Variants in ADAMTS12 observed in about 807,000 individuals in gnomAD.
ADAMTS12 encodes the protein A disintegrin and metalloproteinase with thrombospondin motifs 12.
In ADAMTS12, 118 loss-of-function variants were observed where a neutral mutation model predicts 167.8. That is an observed-to-expected ratio of 0.70 (90% CI 0.61 to 0.82). The LOEUF (loss-of-function observed/expected upper bound fraction) is 0.82. Ranked by LOEUF, ADAMTS12 falls within the 40% of genes least tolerant of loss-of-function variation. The pLI, the probability that ADAMTS12 is intolerant of heterozygous loss-of-function variation, is 0.00. For synonymous variants in ADAMTS12, 704 were observed against 716.9 expected (o/e 0.98, Z 0.29); for missense variants, 1,916 against 1,998.8 (o/e 0.96, Z 0.79).
At chr5:33,673,276 G>A (rs10070624) in intron 5 of ADAMTS12, among the ~76,000 whole-genome samples, 145,016 of 152,186 alleles carry the variant, frequency 0.95, 69,487 homozygotes, top group Non-Finnish European at 1. Context: ...ATGATTGTTG[G>A]CTCCCACATC....
intron 5 of ADAMTS12, among the ~76,000 whole-genome samples, chr5:33,669,679 T>C (rs1432311773): frequency 6.6e-6 from 1 of 151,746 alleles, no homozygotes; most frequent in Non-Finnish European, 1.5e-5. Flanking sequence ...AAGTCTTAGA[T>C]TAAGAAATAC....
chr5:33,885,364 G>A (rs1245739623), intron 1 of ADAMTS12, among the ~76,000 whole-genome samples: 4 of 152,124 alleles, frequency 2.6e-5, no homozygotes, highest in Non-Finnish European at 5.9e-5. Flanking sequence ...TTGGGGTGTG[G>A]TTTTTCCTTT....
chr5:33,756,147 C>T (rs899232270), intron 2 of ADAMTS12, among the ~76,000 whole-genome samples: 1 of 152,194 alleles, frequency 6.6e-6, no homozygotes, highest in Non-Finnish European at 1.5e-5. Context: ...GGGAAGGGAA[C>T]AGCAAAGCCC....
chr5:33,731,130 C>G (rs1744179029), intron 3 of ADAMTS12, among the ~76,000 whole-genome samples: 1 of 152,046 alleles, frequency 6.6e-6, no homozygotes, highest in South Asian at 2.1e-4. Flanking sequence ...TTTCTAATCA[C>G]TGCTATTATG....
At chr5:33,837,123 A>T (rs1723833426) in intron 2 of ADAMTS12, among the ~76,000 whole-genome samples, 1 of 152,154 alleles carries the variant, frequency 6.6e-6, no homozygotes, top group African/African-American at 2.4e-5. Context: ...TGTGTGCTTT[A>T]AAAAAGTCCC....
At chr5:33,668,627 C>T (rs367970281) in intron 5 of ADAMTS12, among the ~76,000 whole-genome samples, 14 of 152,120 alleles carry the variant, frequency 9.2e-5, no homozygotes, top group African/African-American at 3.4e-4. Flanking sequence ...GGACTATAAG[C>T]CTGCACCACC....
At chr5:33,875,211 AG>A (rs1240597408) in intron 2 of ADAMTS12, among the ~76,000 whole-genome samples, 2 of 152,240 alleles carry the variant, frequency 1.3e-5, no homozygotes, top group Non-Finnish European at 2.9e-5. Flanking sequence ...GAAAATTCTC[AG>A]GGCAGTGAAA....
In ADAMTS12 at chr5:33,649,631, C is replaced by T. The variant is rs1461868906; in HGVS notation, c.1257G>A (p.Met419Ile). The T allele has an allele frequency of 6.2e-7, 1 of 1,613,926 alleles. No individual in the cohort carries two copies. The highest frequency in any genetic ancestry group is 8.5e-7 in the Non-Finnish European group (1 of 1,179,940). ...TGGGATCGTACTGGAGCTGGCGGGA[C>T]ATGATGTACGGATGTCTGCCCACAG... ...CEPVGRHPYI[M>I]SRQLQYDPTP... The change falls in exon 8 of 24, where the codon ATG becomes ATA. Residue 419 changes from methionine to isoleucine, a missense_variant. Physicochemically the swap from Met to Ile is conservative, Grantham distance 10. Transcript: ENST00000504830.
Position 33,553,568 on chromosome 5 carries a change from A to G in ADAMTS12, c.4126-4185T>C, listed in dbSNP as rs562605276. ...ATGAGATCATGTCCTTTGCAGGAAC[A>G]TGGTTGGAGCTGGAGGCCATTATCC... On this transcript the variant is annotated intron_variant, in intron 20 of 23. Coordinates refer to ENST00000504830, the MANE Select transcript of ADAMTS12 (RefSeq NM_030955.4). Among the ~76,000 whole-genome samples the G allele has an allele frequency of 2.4e-4, 37 of 152,360 alleles. No homozygotes were observed. The South Asian group carries it at 4.8e-3, about 20-fold the overall frequency.
intron 23 of ADAMTS12, among the ~76,000 whole-genome samples, chr5:33,532,276 T>G (rs1579627227): frequency 6.6e-6 from 1 of 152,204 alleles, no homozygotes; most frequent in South Asian, 2.1e-4. Flanking sequence ...TTGGGCTTCT[T>G]GAGGCCAAGA....
At chr5:33,581,160 C>T (rs189074590) in intron 18 of ADAMTS12, among the ~76,000 whole-genome samples, 1 of 152,372 alleles carries the variant, frequency 6.6e-6, no homozygotes, top group East Asian at 1.9e-4. Flanking sequence ...TCCTTAGGAG[C>T]TGTCAAGCCC....
intron 3 of ADAMTS12, among the ~76,000 whole-genome samples, chr5:33,725,390 C>G (rs113610704): frequency 1.3e-5 from 2 of 152,182 alleles, no homozygotes; most frequent in East Asian, 1.9e-4. Context: ...TGTTCCTCCC[C>G]TGCCTGATCA....
intron 16 of ADAMTS12, among the ~76,000 whole-genome samples, chr5:33,596,576 G>A (rs1737890631): frequency 6.6e-6 from 1 of 152,170 alleles, no homozygotes; most frequent in African/African-American, 2.4e-5. Flanking sequence ...CAGCTACTTG[G>A]GAGGCTGAGG....
chr5:33,693,460 T>G (rs1742629208), intron 3 of ADAMTS12, among the ~76,000 whole-genome samples: 1 of 152,210 alleles, frequency 6.6e-6, no homozygotes, highest in Non-Finnish European at 1.5e-5. Flanking sequence ...TTGTTCTAAT[T>G]ATCTAATTTC....
chr5:33,640,811 T>C (rs939494569), intron 11 of ADAMTS12, among the ~76,000 whole-genome samples: 1 of 150,090 alleles, frequency 6.7e-6, no homozygotes, highest in Non-Finnish European at 1.5e-5. Context: ...AAAAAATATA[T>C]AATATATATA....
chr5:33,804,806 T>A (rs369403110), intron 2 of ADAMTS12, among the ~76,000 whole-genome samples: 2 of 152,264 alleles, frequency 1.3e-5, no homozygotes, highest in African/African-American at 4.8e-5. Flanking sequence ...ACCATCCCCA[T>A]TCCATTCATT....
chr5:33,571,942 A>C (rs1330054982), intron 19 of ADAMTS12, among the ~76,000 whole-genome samples: 1 of 152,204 alleles, frequency 6.6e-6, no homozygotes, highest in Non-Finnish European at 1.5e-5. Flanking sequence ...CAGAAATATA[A>C]ACTACCATCA....
At chr5:33,642,617 G>A (rs1740504653) in intron 10 of ADAMTS12, among the ~76,000 whole-genome samples, 1 of 152,132 alleles carries the variant, frequency 6.6e-6, no homozygotes, top group African/African-American at 2.4e-5. Flanking sequence ...ATCCTTCCAC[G>A]ACTATCGGTT....
intron 18 of ADAMTS12, among the ~76,000 whole-genome samples, chr5:33,583,507 C>A (rs1446394032): frequency 6.6e-6 from 1 of 152,060 alleles, no homozygotes; most frequent in Non-Finnish European, 1.5e-5. Context: ...TGGTATATAC[C>A]CAGCAGTGGG....
Sources: gnomAD v4.1 joint callset for allele counts (sites outside exome capture counted in the v4.1 genomes callset) on GRCh38, gnomAD v4.1.1 for gene constraint, MANE v1.5 for transcripts, NCBI Gene and HGNC (gene_info 2026-07-23, HGNC 2026-07-21) for gene names.